The following RHBDL3 variants were observed in gnomAD, a reference collection of about 807,000 sequenced individuals.
The protein encoded by RHBDL3 is rhomboid like 3, also known as rhomboid-related protein 3.
Under a neutral mutation model 48.2 loss-of-function variants are expected in RHBDL3, and 28 were observed. The ratio of observed to expected loss-of-function variants is 0.58; its 90% CI spans 0.43 to 0.80. The LOEUF (loss-of-function observed/expected upper bound fraction) is 0.80. Among genes scored for constraint, RHBDL3 ranks in the 30% least tolerant of loss-of-function variants. RHBDL3 has a pLI of 0.00. For synonymous variants in RHBDL3, 208 were observed against 232.3 expected (o/e 0.90, Z 0.95); for missense variants, 464 against 542.7 (o/e 0.85, Z 1.44).
chr17:32,281,314 C>G (rs2040037413), intron 2 of RHBDL3, among the ~76,000 whole-genome samples: 1 of 152,088 alleles, frequency 6.6e-6, no homozygotes, highest in Non-Finnish European at 1.5e-5. Context: ...TGTCTGCAGC[C>G]TGATCCCAGC....
At chr17:32,305,242 G>T in intron 6 of RHBDL3, 99 bp from the exon 7 acceptor site, 1 of 796,646 alleles carries the variant, frequency 1.3e-6, no homozygotes. Context: ...GTCTTGCTCT[G>T]GAGTCTTAGC....
chr17:32,279,439 G>A (rs1250066895), intron 2 of RHBDL3, among the ~76,000 whole-genome samples: 1 of 152,112 alleles, frequency 6.6e-6, no homozygotes, highest in Non-Finnish European at 1.5e-5. Context: ...AGCGTAGTTT[G>A]AAAACCACTG....
intron 8 of RHBDL3, 35 bp from the exon 9 acceptor site, chr17:32,320,923 C>G (rs899565406): frequency 5.1e-6 from 8 of 1,553,842 alleles, no homozygotes; most frequent in Non-Finnish European, 7.1e-6. Flanking sequence ...GCTCAGGGCC[C>G]TCCTGTGACA....
At chr17:32,313,751 C>CTTTTTTTTTTTTTT (rs559422433) in intron 7 of RHBDL3, among the ~76,000 whole-genome samples, 2 of 98,630 alleles carry the variant, frequency 2.0e-5, no homozygotes, top group Non-Finnish European at 3.8e-5. Flanking sequence ...AATTCCCTCC[C>CTTTTTTTTTTTTTT]TTTTTTTTTT....
intron 7 of RHBDL3, among the ~76,000 whole-genome samples, chr17:32,305,689 T>A (rs2040694246): frequency 6.6e-6 from 1 of 152,164 alleles, no homozygotes; most frequent in Non-Finnish European, 1.5e-5. Context: ...TCTTTCCCAT[T>A]CACCAACGTT....
At chr17:32,277,952 T>C (rs776948141) in intron 2 of RHBDL3, among the ~76,000 whole-genome samples, 1 of 152,146 alleles carries the variant, frequency 6.6e-6, no homozygotes, top group Non-Finnish European at 1.5e-5. Flanking sequence ...ACAGAACCCT[T>C]ATTTCAGGTA....
intron 2 of RHBDL3, among the ~76,000 whole-genome samples, chr17:32,278,136 A>C (rs1039841896): frequency 6.6e-6 from 1 of 152,054 alleles, no homozygotes; most frequent in Non-Finnish European, 1.5e-5. Context: ...CGTCTCTACT[A>C]AAAATACCAA....
At chr17:32,292,085 CTTAAACAG>C (rs963724203) in intron 4 of RHBDL3, among the ~76,000 whole-genome samples, 3 of 151,984 alleles carry the variant, frequency 2.0e-5, no homozygotes, top group Non-Finnish European at 2.9e-5. Flanking sequence ...CTGAGATATT[CTTAAACAG>C]TTATGCATAT....
chr17:32,281,694 T>C (rs1402476667), intron 2 of RHBDL3, among the ~76,000 whole-genome samples: 1 of 152,164 alleles, frequency 6.6e-6, no homozygotes, highest in Non-Finnish European at 1.5e-5. Context: ...ACATTCCCTC[T>C]CCAGGGTCCA....
intron 2 of RHBDL3, among the ~76,000 whole-genome samples, chr17:32,274,857 T>C (rs1167916405): frequency 6.6e-6 from 1 of 151,494 alleles, no homozygotes; most frequent in African/African-American, 2.4e-5. Context: ...TGTGTGTTTG[T>C]GTGTGCAAGA....
At chr17:32,292,181 T>C (rs1336067400) in intron 4 of RHBDL3, among the ~76,000 whole-genome samples, 1 of 152,140 alleles carries the variant, frequency 6.6e-6, no homozygotes, top group East Asian at 1.9e-4. Flanking sequence ...TAAATACCCT[T>C]TTAGAGATTA....
chr17:32,323,982 T>C lies in RHBDL3; in HGVS notation c.*2753T>C, dbSNP rs866671723. On this transcript the variant is annotated 3_prime_UTR_variant, in exon 9 of 9. Transcript: ENST00000269051. ...AGCAGCACTTCCCCATGGCCAAGGC[T>C]GGCCGTGTCCTCTGTGCCTCTTTCC... is the stretch of plus-strand genomic sequence containing the variant. 4 of 152,684 alleles carry C rather than the reference T, an allele frequency of 2.6e-5. No homozygotes were observed. The highest frequency in any genetic ancestry group is 6.5e-5 in the Admixed American group (1 of 15,308). The allele number at this position is 152,684 out of a possible 1,614,324, so 9.5% of individuals were successfully genotyped here.
rs2039617476 is a variant in RHBDL3 at position 32,265,958 on chromosome 17, G to A, written c.-232G>A. ...GGCGGAGGCGGAGGCCGGCGGGGCA[G>A]CTAGCGCAGTGAAGTTTGGCGGCGG... On this transcript the variant is annotated 5_prime_UTR_variant, in exon 1 of 9. Transcript: ENST00000269051. Among the ~76,000 whole-genome samples, 1 of 146,686 alleles carries A rather than the reference G, an allele frequency of 6.8e-6. No individual in the cohort carries two copies. Among genetic ancestry groups the A allele is most frequent in the African/African-American group, 2.4e-5 (1 of 40,886 alleles).
chr17:32,309,494 G>C (rs2040789738), intron 7 of RHBDL3, among the ~76,000 whole-genome samples: 1 of 152,024 alleles, frequency 6.6e-6, no homozygotes, highest in South Asian at 2.1e-4. Flanking sequence ...GGAGGTTGTG[G>C]TGAGCCGAGA....
At chr17:32,317,674 G>T (rs1390128939) in intron 8 of RHBDL3, among the ~76,000 whole-genome samples, 1 of 152,214 alleles carries the variant, frequency 6.6e-6, no homozygotes, top group African/African-American at 2.4e-5. Flanking sequence ...TAGTGAAATA[G>T]TATGAGTCAG....
Position 32,266,296 on chromosome 17 carries a change from A to C in RHBDL3, c.107A>C (p.Glu36Ala), listed in dbSNP as rs774735010. The C allele has an allele frequency of 6.3e-5, 91 of 1,454,846 alleles. No homozygotes were observed. In the African/African-American group the frequency reaches 1.2e-3, roughly 19 times the overall value. The allele number at this position is 1,454,846 out of a possible 1,614,324, so 90.1% of individuals were successfully genotyped here. The change falls in exon 1 of 9, where the codon GAG (glutamate) becomes GCG (alanine). Residue 36 changes from glutamate (E) to alanine (A), a missense_variant. Coordinates refer to ENST00000269051, the MANE Select transcript of RHBDL3 (RefSeq NM_138328.3). ...GAGGAGCGGCTGCCCGCGGCGCCGG[A>C]GGACGTGAGTGCCCCCTCCCCGCCC... Reference protein sequence around the residue: ...EAEERLPAAPEDHWKVLFDQF... With the variant: ...EAEERLPAAPADHWKVLFDQF...
intron 3 of RHBDL3, among the ~76,000 whole-genome samples, chr17:32,286,355 A>C (rs2040198249): frequency 1.3e-5 from 2 of 152,272 alleles, no homozygotes. Context: ...CAAATTCTGC[A>C]CTGGATCTGT....
At chr17:32,266,847 A>G (rs1429188911) in intron 1 of RHBDL3, among the ~76,000 whole-genome samples, 15 of 152,130 alleles carry the variant, frequency 9.9e-5, no homozygotes, top group Admixed American at 9.8e-4. Context: ...AGGGAGGCAA[A>G]GAGTGCTGGG....
At chr17:32,274,469 C>A (rs1427264504) in intron 2 of RHBDL3, among the ~76,000 whole-genome samples, 2 of 152,176 alleles carry the variant, frequency 1.3e-5, no homozygotes, top group African/African-American at 4.8e-5. Flanking sequence ...AGTAAATATT[C>A]TTCGAGGGAG....
Sources: allele counts gnomAD v4.1 joint callset (sites outside exome capture counted in the v4.1 genomes callset), GRCh38; gene constraint gnomAD v4.1.1; transcripts MANE v1.5; gene names NCBI Gene and HGNC (gene_info 2026-07-23, HGNC 2026-07-21).